The following DLGAP2 variants were observed in gnomAD, a reference collection of about 807,000 sequenced individuals.
The protein encoded by DLGAP2 is disks large-associated protein 2.
DLGAP2 carries 26 observed loss-of-function variants against 100.3 expected under a neutral mutation model. The observed-to-expected ratio is 0.26, with a 90% CI of 0.19 to 0.36. DLGAP2 has a LOEUF of 0.36. Ranked by LOEUF, DLGAP2 falls within the 10% of genes least tolerant of loss-of-function variation. DLGAP2 has a pLI of 1.00. For missense variants in DLGAP2, 1,858 were observed against 1,453.2 expected, an observed-to-expected ratio of 1.28 and a Z score of -4.53; for synonymous variants, 886 against 630.1, an observed-to-expected ratio of 1.41 and a Z score of -6.08.
At chr8:771,747 A>G (rs1308129950) in intron 1 of DLGAP2, among the ~76,000 whole-genome samples, 1 of 152,226 alleles carries the variant, frequency 6.6e-6, no homozygotes, top group Non-Finnish European at 1.5e-5. Flanking sequence ...TTATTTTAAA[A>G]TGACTTTGTT....
intron 2 of DLGAP2, among the ~76,000 whole-genome samples, chr8:1,255,625 T>G (rs1169672699): frequency 8.5e-6 from 1 of 117,056 alleles, no homozygotes; most frequent in Non-Finnish European, 1.6e-5. Context: ...CTGGGTGCTG[T>G]GTGTGTGTGT....
At chr8:1,160,417 G>A (rs760072024) in intron 2 of DLGAP2, among the ~76,000 whole-genome samples, 24 of 152,306 alleles carry the variant, frequency 1.6e-4, no homozygotes, top group African/African-American at 1.7e-4. Flanking sequence ...GGGCGCGGGC[G>A]TGAGTGTGCA....
chr8:1,522,360 G>A lies in DLGAP2; in HGVS notation c.172+20929G>A, dbSNP rs77840706. Among the ~76,000 whole-genome samples, 513 of 152,346 alleles carry A rather than the reference G, an allele frequency of 3.4e-3. 2 individuals carry two copies. Among genetic ancestry groups the A allele is most frequent in the African/African-American group, 0.012 (483 of 41,570 alleles). The stretch of plus-strand genomic sequence containing the variant: ...TGAAAGCCGAAACAGCTGAGTGCAT[G>A]GGGAAGCTGGCAGGTGTGCAGCAGC... On this transcript the variant is annotated intron_variant, in intron 4 of 14. Transcript: ENST00000637795.
At chr8:769,326 C>G (rs1028383950) in intron 1 of DLGAP2, among the ~76,000 whole-genome samples, 1 of 151,896 alleles carries the variant, frequency 6.6e-6, no homozygotes, top group Non-Finnish European at 1.5e-5. Flanking sequence ...AGCAGAAAAA[C>G]GCTAACAAGA....
chr8:1,206,376 T>C (rs796997724), intron 2 of DLGAP2, among the ~76,000 whole-genome samples: 3 of 145,678 alleles, frequency 2.1e-5, no homozygotes, highest in Non-Finnish European at 4.5e-5. Flanking sequence ...GGGTAGACTG[T>C]GAGCGGTTAA....
At position 829,657 on chromosome 8, in the gene DLGAP2, T is replaced by C. The variant is rs939441633; in HGVS notation, c.19-78255T>C. Among the ~76,000 whole-genome samples the C allele has an allele frequency of 1.6e-4, 24 of 152,334 alleles. No homozygotes were observed. In the East Asian group the frequency reaches 3.5e-3, roughly 22 times the overall value. ...ACTATGTAAGCCATATGTCTTACCA[T>C]AGAAAAATTAACAAACAAAATGAAG... On this transcript the variant is annotated intron_variant, in intron 1 of 14. Coordinates refer to ENST00000637795, the MANE Select transcript of DLGAP2 (RefSeq NM_001346810.2).
intron 3 of DLGAP2, among the ~76,000 whole-genome samples, chr8:1,389,921 G>C (rs1796309813): frequency 6.6e-6 from 1 of 152,034 alleles, no homozygotes; most frequent in African/African-American, 2.4e-5. Context: ...CACAGAGAGG[G>C]GCCGCGGAGC....
chr8:1,512,631 C>T (rs1469334416), intron 4 of DLGAP2, among the ~76,000 whole-genome samples: 5 of 152,164 alleles, frequency 3.3e-5, no homozygotes, highest in Non-Finnish European at 7.3e-5. Context: ...AAGCAAACAA[C>T]ATGGCAGTTG....
chr8:826,423 T>G (rs1796686025), intron 1 of DLGAP2, among the ~76,000 whole-genome samples: 1 of 152,238 alleles, frequency 6.6e-6, no homozygotes, highest in Admixed American at 6.5e-5. Context: ...TTCATTCACT[T>G]TGGTTTTAAT....
chr8:1,521,181 G>C (rs1247336084), intron 4 of DLGAP2, among the ~76,000 whole-genome samples: 1 of 113,366 alleles, frequency 8.8e-6, no homozygotes, highest in Admixed American at 1.0e-4. Flanking sequence ...CATCTGGTTT[G>C]CACACTTGTT....
chr8:1,337,202 ATGATGGTG>A lies in DLGAP2; in HGVS notation c.106+78320_106+78327del, dbSNP rs1163124491. ...GATGGTGGTGGTGAGAATGATGGTG[ATGATGGTG>A]ATGATGATGAGGATGATGGTGGTGG... is the stretch of plus-strand genomic sequence containing the variant. On this transcript the variant is annotated intron_variant, in intron 3 of 14. Transcript: ENST00000637795. 3.0e-4 allele frequency among the ~76,000 whole-genome samples: 17 copies of A among 56,392 alleles called. No homozygotes were observed. In the African/African-American group the frequency reaches 3.9e-3, roughly 13 times the overall value. 37.0% of individuals were successfully genotyped at this position (56,392 alleles called of 152,430 possible).
chr8:977,933 G>T (rs562147405), intron 2 of DLGAP2, among the ~76,000 whole-genome samples: 1 of 86,912 alleles, frequency 1.2e-5, no homozygotes, highest in Admixed American at 1.7e-4. Context: ...TGGTGACGTG[G>T]GGAGGGCGTC....
At chr8:927,329 A>G (rs1162650440) in intron 2 of DLGAP2, 4 of 727,712 alleles carry the variant, frequency 5.5e-6, no homozygotes, top group Non-Finnish European at 3.4e-6. Flanking sequence ...TGTTGATTCA[A>G]TGACTAAAAA....
intron 3 of DLGAP2, among the ~76,000 whole-genome samples, chr8:1,383,401 C>G (rs1328430064): frequency 1.3e-5 from 2 of 152,218 alleles, no homozygotes; most frequent in Non-Finnish European, 2.9e-5. Context: ...CATTAATAAT[C>G]TCAGACTTTT....
At chr8:1,068,399 C>A (rs531229959) in intron 2 of DLGAP2, among the ~76,000 whole-genome samples, 1 of 152,214 alleles carries the variant, frequency 6.6e-6, no homozygotes, top group Non-Finnish European at 1.5e-5. Context: ...AACGCAGCTG[C>A]GTTGTTCACC....
At chr8:1,664,133 G>C (rs758267947) in intron 8 of DLGAP2, among the ~76,000 whole-genome samples, 1 of 152,236 alleles carries the variant, frequency 6.6e-6, no homozygotes, top group South Asian at 2.1e-4. Context: ...AGCAGCATCA[G>C]CATTTCTGTA....
intron 2 of DLGAP2, among the ~76,000 whole-genome samples, chr8:1,003,857 A>G (rs1285880024): frequency 6.6e-6 from 1 of 152,228 alleles, no homozygotes; most frequent in Non-Finnish European, 1.5e-5. Flanking sequence ...CATTCTATCA[A>G]GAGATGATAC....
In DLGAP2 at chr8:1,359,840, A is replaced by C. The variant is rs1366109300; in HGVS notation, c.106+100957A>C. 2.6e-5 allele frequency among the ~76,000 whole-genome samples: 4 copies of C among 152,232 alleles called. No homozygotes were observed. In the East Asian group the frequency reaches 7.7e-4, roughly 29 times the overall value. On this transcript the variant is annotated intron_variant, in intron 3 of 14. Transcript: ENST00000637795. Reference sequence around the variant, plus strand: ...TCCTTAGGGTTTCTGTCACTCTATAAGCCTTGCTAGATGAAGATACAGTGT... The same window carrying C: ...TCCTTAGGGTTTCTGTCACTCTATACGCCTTGCTAGATGAAGATACAGTGT...
chr8:1,310,086 C>G (rs1038286979), intron 3 of DLGAP2, among the ~76,000 whole-genome samples: 1 of 150,044 alleles, frequency 6.7e-6, no homozygotes, highest in Non-Finnish European at 1.5e-5. Flanking sequence ...AAGATGAAAC[C>G]TGCGACAGCA....
Sources: gnomAD v4.1 joint callset for allele counts (sites outside exome capture counted in the v4.1 genomes callset) on GRCh38, gnomAD v4.1.1 for gene constraint, MANE v1.5 for transcripts, NCBI Gene and HGNC (gene_info 2026-07-23, HGNC 2026-07-21) for gene names.